KLF8: variants seen among roughly 807,000 people sequenced by gnomAD.
KLF8 encodes the protein Krueppel-like factor 8.
KLF8 carries 10 observed loss-of-function variants against 18.2 expected under a neutral mutation model. The ratio of observed to expected loss-of-function variants is 0.55; its 90% CI spans 0.34 to 0.93. The LOEUF (loss-of-function observed/expected upper bound fraction) is 0.93, where lower values mean the gene tolerates loss of function less well. Among genes scored for constraint, KLF8 ranks in the 40% least tolerant of loss-of-function variants. The pLI, the probability that KLF8 is intolerant of heterozygous loss-of-function variation, is 0.02. For synonymous variants in KLF8, 109 were observed against 97.3 expected, an observed-to-expected ratio of 1.12 and a Z score of -0.71; for missense variants, 264 against 277.9, an observed-to-expected ratio of 0.95 and a Z score of 0.36.
chrX:56,034,609 A>G, the KLF8 span, among the ~76,000 whole-genome samples: 1 of 111,212 alleles, frequency 9.0e-6, no homozygotes, highest in Non-Finnish European at 1.9e-5. Flanking sequence ...GGTAACTAAC[A>G]TATTTATCAT....
chrX:55,942,907 A>T, the KLF8 span, among the ~76,000 whole-genome samples: 12 of 111,771 alleles, frequency 1.1e-4, no homozygotes, highest in Non-Finnish European at 1.9e-4. Context: ...GCACTGAGAC[A>T]TTGAAACATT....
chrX:56,225,209 C>A, the KLF8 span, among the ~76,000 whole-genome samples: 6 of 111,330 alleles, frequency 5.4e-5, no homozygotes, highest in Non-Finnish European at 9.4e-5. Context: ...ACATTTAGAT[C>A]TTTTCAATTT....
chrX:56,017,574 G>A, the KLF8 span, among the ~76,000 whole-genome samples: 3 of 112,187 alleles, frequency 2.7e-5, no homozygotes, highest in Admixed American at 1.9e-4. Flanking sequence ...AAGTGAGCAA[G>A]TATTCCCCCA....
the KLF8 span, among the ~76,000 whole-genome samples, chrX:56,051,898 AG>A: frequency 9.1e-6 from 1 of 109,456 alleles, no homozygotes; most frequent in African/African-American, 3.5e-5. Context: ...CATCACTTTC[AG>A]GTACACCAAT....
the KLF8 span, among the ~76,000 whole-genome samples, chrX:55,992,579 G>T: frequency 9.0e-6 from 1 of 111,562 alleles, no homozygotes; most frequent in African/African-American, 3.3e-5. Context: ...TGACTATTTG[G>T]GATACTTTTT....
chrX:56,158,596 G>A, the KLF8 span, among the ~76,000 whole-genome samples: 1 of 111,434 alleles, frequency 9.0e-6, no homozygotes, highest in East Asian at 2.8e-4. Context: ...TCCTTGAAGA[G>A]GTCCTTCACA....
chrX:55,991,760 C>A, the KLF8 span, among the ~76,000 whole-genome samples: 2 of 112,389 alleles, frequency 1.8e-5, no homozygotes, highest in Non-Finnish European at 3.8e-5. Context: ...ACCTCACAAG[C>A]ATATGTTATT....
chrX:55,960,586 GAGA>G, the KLF8 span, among the ~76,000 whole-genome samples: 3 of 52,827 alleles, frequency 5.7e-5, no homozygotes, highest in Admixed American at 3.0e-4. Flanking sequence ...GGAGGAGGAG[GAGA>G]AGAAGGAGAA....
chrX:56,237,764 C>T (rs1175765552), intron 1 of KLF8, among the ~76,000 whole-genome samples: 1 of 111,964 alleles, frequency 8.9e-6, no homozygotes, highest in Non-Finnish European at 1.9e-5. Flanking sequence ...GCTTAAACAA[C>T]AGAAATGTAT....
chrX:56,049,848 G>A, the KLF8 span, among the ~76,000 whole-genome samples: 5 of 108,309 alleles, frequency 4.6e-5, no homozygotes, highest in Non-Finnish European at 9.6e-5. Flanking sequence ...AATGGTACCA[G>A]TTCCTCCTTG....
chrX:56,214,989 A>C, the KLF8 span, among the ~76,000 whole-genome samples: 1 of 112,269 alleles, frequency 8.9e-6, no homozygotes. Context: ...CAATTTAGAA[A>C]ACTATTGCTA....
chrX:56,090,290 A>T, the KLF8 span, among the ~76,000 whole-genome samples: 4 of 112,224 alleles, frequency 3.6e-5, no homozygotes, highest in African/African-American at 1.3e-4. Flanking sequence ...CCTAACTGCT[A>T]GACAGAAAAC....
At chrX:55,985,089 A>C in the KLF8 span, among the ~76,000 whole-genome samples, 1 of 110,750 alleles carries the variant, frequency 9.0e-6, no homozygotes, top group Non-Finnish European at 1.9e-5. Context: ...GTTCACACTG[A>C]TGATAGTTTC....
At chrX:56,097,364 G>A in the KLF8 span, among the ~76,000 whole-genome samples, 1 of 100,904 alleles carries the variant, frequency 9.9e-6, no homozygotes, top group East Asian at 3.1e-4. Context: ...TTTTTCTGAG[G>A]CAGGGTACAG....
the KLF8 span, among the ~76,000 whole-genome samples, chrX:55,984,545 T>C: frequency 8.9e-6 from 1 of 111,775 alleles, no homozygotes; most frequent in Non-Finnish European, 1.9e-5. Context: ...TTGTGTTGAT[T>C]GCATGTCTTT....
chrX:55,993,201 C>T, the KLF8 span, among the ~76,000 whole-genome samples: 1 of 111,237 alleles, frequency 9.0e-6, no homozygotes, highest in African/African-American at 3.3e-5. Context: ...ATGCTTTGAG[C>T]TTTGACCCAT....
At chrX:56,106,767 C>T in the KLF8 span, among the ~76,000 whole-genome samples, 1 of 112,276 alleles carries the variant, frequency 8.9e-6, no homozygotes, top group African/African-American at 3.2e-5. Flanking sequence ...TGGCAAGGAG[C>T]TGCAATCCTT....
the KLF8 span, among the ~76,000 whole-genome samples, chrX:56,012,017 C>T: frequency 9.0e-6 from 1 of 111,576 alleles, no homozygotes; most frequent in Non-Finnish European, 1.9e-5. Flanking sequence ...TGAATTCTAC[C>T]AGAGGTACAA....
At chrX:56,068,634 C>G in the KLF8 span, among the ~76,000 whole-genome samples, 4 of 112,100 alleles carry the variant, frequency 3.6e-5, no homozygotes, top group Non-Finnish European at 7.5e-5. Context: ...TCTGTGTAAA[C>G]TCAGCTAGAG....
Sources: allele counts gnomAD v4.1 joint callset (sites outside exome capture counted in the v4.1 genomes callset), GRCh38; gene constraint gnomAD v4.1.1; transcripts MANE v1.5; gene names NCBI Gene and HGNC (gene_info 2026-07-23, HGNC 2026-07-21).